RBFOX1: variants seen among roughly 807,000 people sequenced by gnomAD.
RBFOX1 encodes RNA binding protein fox-1 homolog 1.
Under a neutral mutation model 57.7 loss-of-function variants are expected in RBFOX1, and 8 were observed. The ratio of observed to expected loss-of-function variants is 0.14; its 90% CI spans 0.08 to 0.25. The LOEUF is 0.25. RBFOX1 is among the 10% of genes least tolerant of loss of function. RBFOX1 has a pLI of 1.00. For missense variants in RBFOX1, 611 were observed against 548.5 expected (o/e 1.11, Z -1.14); for synonymous variants, 326 against 222.4 (o/e 1.47, Z -4.15).
Position 6,991,409 on chromosome 16 carries a change from G to A in RBFOX1, c.-15-60648G>A, listed in dbSNP as rs1382086726. Among the ~76,000 whole-genome samples the A allele has an allele frequency of 3.9e-5, 6 of 152,298 alleles. No individual in the cohort carries two copies. The East Asian group carries it at 9.6e-4, about 24-fold the overall frequency. ...CATTAATAAGCAACATTCCGTTTGG[G>A]CCTCAGGAAGCTCATATCCCATAGG... On this transcript the variant is annotated intron_variant, in intron 3 of 15. Coordinates refer to ENST00000550418, the MANE Select transcript of RBFOX1 (RefSeq NM_018723.4).
At chr16:7,330,810 T>TAAGA (rs1335298149) in intron 4 of RBFOX1, among the ~76,000 whole-genome samples, 6 of 152,040 alleles carry the variant, frequency 3.9e-5, no homozygotes, top group Admixed American at 3.9e-4. Context: ...CCTAAGTAAG[T>TAAGA]AAGAGCTCTC....
At chr16:6,288,001 C>A (rs531679435) in intron 1 of RBFOX1, among the ~76,000 whole-genome samples, 22 of 152,214 alleles carry the variant, frequency 1.4e-4, no homozygotes, top group African/African-American at 4.6e-4. Flanking sequence ...GTACTTCAAC[C>A]TTTTCTGTCT....
chr16:7,671,720 A>T (rs2071501975), intron 13 of RBFOX1: 2 of 918,222 alleles, frequency 2.2e-6, no homozygotes, highest in Non-Finnish European at 3.5e-6. Context: ...GAAAGACTTA[A>T]CTGAATTTTC....
rs186686280 is a variant in RBFOX1 at position 6,743,425 on chromosome 16, G to C, written c.-16+88775G>C. ...CAAATTATAGGCTGTGTTATAAGAA[G>C]CACATTTTAAATATAAAGACACAAA... is the stretch of plus-strand genomic sequence containing the variant. On this transcript the variant is annotated intron_variant, in intron 3 of 15. Coordinates refer to ENST00000550418, the MANE Select transcript of RBFOX1 (RefSeq NM_018723.4). 9.1e-4 allele frequency among the ~76,000 whole-genome samples: 138 copies of C among 152,210 alleles called. 1 individual carries two copies. The highest frequency in any genetic ancestry group is 3.0e-3 in the African/African-American group (126 of 41,546).
At chr16:6,347,421 C>T (rs949027636) in intron 2 of RBFOX1, among the ~76,000 whole-genome samples, 3 of 152,132 alleles carry the variant, frequency 2.0e-5, no homozygotes, top group Admixed American at 1.3e-4. Context: ...ATAATCTACC[C>T]GTGAAGGTAG....
chr16:7,370,741 G>A (rs927651446), intron 4 of RBFOX1, among the ~76,000 whole-genome samples: 8 of 152,298 alleles, frequency 5.3e-5, no homozygotes, highest in Non-Finnish European at 1.0e-4. Context: ...TTAGGTACCC[G>A]AGGTTTTGGA....
At chr16:7,282,027 G>A (rs1446062609) in intron 4 of RBFOX1, among the ~76,000 whole-genome samples, 1 of 147,322 alleles carries the variant, frequency 6.8e-6, no homozygotes, top group Non-Finnish European at 1.5e-5. Flanking sequence ...CATCACGCCT[G>A]GCAATTTTTT....
chr16:6,898,050 T>C (rs544899683), intron 3 of RBFOX1, among the ~76,000 whole-genome samples: 2 of 152,328 alleles, frequency 1.3e-5, no homozygotes, highest in African/African-American at 4.8e-5. Context: ...CCTCGGTGTT[T>C]ATATAATGCC....
chr16:6,868,622 C>A (rs140625514), intron 3 of RBFOX1, among the ~76,000 whole-genome samples: 68 of 152,082 alleles, frequency 4.5e-4, no homozygotes, highest in Non-Finnish European at 8.5e-4. Flanking sequence ...TAGGCACACA[C>A]CACCACGCCC....
At chr16:6,770,687 G>A (rs1052993966) in intron 3 of RBFOX1, among the ~76,000 whole-genome samples, 3 of 152,076 alleles carry the variant, frequency 2.0e-5, no homozygotes, top group African/African-American at 4.8e-5. Flanking sequence ...AAAGTTCTCC[G>A]TCTGCCTGGG....
At position 7,559,589 on chromosome 16, in the gene RBFOX1, A is replaced by G. The variant is rs539188296; in HGVS notation, c.271-20188A>G. Among the ~76,000 whole-genome samples, 2 of 152,330 alleles carry G rather than the reference A, an allele frequency of 1.3e-5. 1 individual carries two copies. The highest frequency in any genetic ancestry group is 4.8e-5 in the African/African-American group (2 of 41,578). On this transcript the variant is annotated intron_variant, in intron 5 of 15. Coordinates refer to ENST00000550418, the MANE Select transcript of RBFOX1 (RefSeq NM_018723.4). Reference sequence around the variant, plus strand: ...GTGTGCAAACCCTGATACACGAGACACCCAATCCAAGGCTTGCACTCTGTC... The same window carrying G: ...GTGTGCAAACCCTGATACACGAGACGCCCAATCCAAGGCTTGCACTCTGTC...
intron 2 of RBFOX1, among the ~76,000 whole-genome samples, chr16:6,506,118 C>G (rs1405148594): frequency 6.6e-6 from 1 of 152,142 alleles, no homozygotes; most frequent in Non-Finnish European, 1.5e-5. Context: ...GAAAGTGGCA[C>G]TGAGCTGAGA....
chr16:6,944,816 G>A (rs1415955846), intron 3 of RBFOX1, among the ~76,000 whole-genome samples: 4 of 152,260 alleles, frequency 2.6e-5, no homozygotes, highest in Non-Finnish European at 5.9e-5. Flanking sequence ...CTGAGGACTG[G>A]AGGGCTTTGG....
Position 7,209,313 on chromosome 16 carries a change from C to A in RBFOX1, c.27+157215C>A, listed in dbSNP as rs570513145. On this transcript the variant is annotated intron_variant, in intron 4 of 15. Coordinates refer to ENST00000550418, the MANE Select transcript of RBFOX1 (RefSeq NM_018723.4). The stretch of plus-strand genomic sequence containing the variant: ...TCGTGCCATTGCATTCCAGCGTAGG[C>A]GACAAGAGCGAAACTCTGTTTCAAA... Among the ~76,000 whole-genome samples, 5 of 152,036 alleles carry A rather than the reference C, an allele frequency of 3.3e-5. No individual in the cohort carries two copies. In the East Asian group the frequency reaches 9.7e-4, roughly 29 times the overall value.
chr16:7,440,996 C>T (rs537603334), intron 4 of RBFOX1, among the ~76,000 whole-genome samples: 2 of 152,060 alleles, frequency 1.3e-5, no homozygotes, highest in African/African-American at 2.4e-5. Context: ...GAGCTAGGAT[C>T]ATGCCACTGT....
At position 5,855,608 on chromosome 16, in the gene RBFOX1, T is replaced by C. The variant is rs150020631; in HGVS notation, c.319-11695T>C. ...TGTCTGTTTTTTGCTGCTACTATAC[T>C]GTTTTGGTTACTGTTCCTTTGTACT... is the stretch of plus-strand genomic sequence containing the variant. On this transcript the variant is annotated intron_variant, in intron 3 of 19. Coordinates refer to the RBFOX1 transcript ENST00000641259. 8.4e-3 allele frequency among the ~76,000 whole-genome samples: 1,283 copies of C among 152,310 alleles called. 11 individuals carry two copies. Among genetic ancestry groups the C allele is most frequent in the Non-Finnish European group, 0.013 (887 of 68,020 alleles).
intron 3 of RBFOX1, among the ~76,000 whole-genome samples, chr16:5,759,962 A>C (rs2053536722): frequency 6.6e-6 from 1 of 151,472 alleles, no homozygotes; most frequent in South Asian, 2.1e-4. Flanking sequence ...CTGAAAATGT[A>C]GGTTTCTATA....
At chr16:6,707,291 G>A (rs1175820594) in intron 3 of RBFOX1, among the ~76,000 whole-genome samples, 1 of 152,144 alleles carries the variant, frequency 6.6e-6, no homozygotes, top group African/African-American at 2.4e-5. Context: ...CTGAAAGTGA[G>A]GCTGAGACAG....
At chr16:7,180,877 G>C (rs955859454) in intron 4 of RBFOX1, among the ~76,000 whole-genome samples, 1 of 152,206 alleles carries the variant, frequency 6.6e-6, no homozygotes, top group Non-Finnish European at 1.5e-5. Context: ...CAAAGTATTT[G>C]GTTGGCAAAC....
Sources: gnomAD v4.1 joint callset for allele counts (sites outside exome capture counted in the v4.1 genomes callset) on GRCh38, gnomAD v4.1.1 for gene constraint, MANE v1.5 for transcripts, NCBI Gene and HGNC (gene_info 2026-07-23, HGNC 2026-07-21) for gene names.